The following ALPK2 variants were observed in gnomAD, a reference collection of about 807,000 sequenced individuals.
ALPK2 encodes alpha kinase 2, also known as alpha-protein kinase 2.
In ALPK2, 127 loss-of-function variants were observed where a neutral mutation model predicts 163.1. The observed-to-expected ratio is 0.78, with a 90% CI of 0.67 to 0.90. The LOEUF (loss-of-function observed/expected upper bound fraction) is 0.90, where lower values mean the gene tolerates loss of function less well. Ranked by LOEUF, ALPK2 falls within the 40% of genes least tolerant of loss-of-function variation. The pLI, the probability that ALPK2 is intolerant of heterozygous loss-of-function variation, is 0.00. For missense variants in ALPK2, 2,360 were observed against 2,589.6 expected (o/e 0.91, Z 1.92); for synonymous variants, 953 against 959.1 (o/e 0.99, Z 0.12).
chr18:58,484,737 C>T (rs941255512), intron 12 of ALPK2, among the ~76,000 whole-genome samples: 1 of 121,384 alleles, frequency 8.2e-6, no homozygotes, highest in Admixed American at 8.4e-5. Context: ...AGCGAGACTT[C>T]GTCTCAAAAA....
rs748207036 is a variant in ALPK2 at position 58,579,572 on chromosome 18, C to A, written c.1204G>T (p.Gly402Cys). The stretch of plus-strand genomic sequence containing the variant: ...ACTTCTTGGGGTTGTGAGTGATGAC[C>A]ACAGAAGCCAGCAGTGGCAACCATA... Reference protein sequence around the residue: ...GPMVATAGFCGHHSQPQEVGV... With the variant: ...GPMVATAGFCCHHSQPQEVGV... The change falls in exon 4 of 13, where the codon GGT (glycine) becomes TGT (cysteine). Residue 402 changes from glycine (G) to cysteine (C), a missense_variant. Physicochemically the swap from Gly to Cys is radical, Grantham distance 159. Coordinates refer to ENST00000361673, the MANE Select transcript of ALPK2 (RefSeq NM_052947.4). 5 of 1,613,500 alleles carry A rather than the reference C, an allele frequency of 3.1e-6. No individual in the cohort carries two copies. Among genetic ancestry groups the A allele is most frequent in the Non-Finnish European group, 4.2e-6 (5 of 1,179,990 alleles).
intron 1 of ALPK2, among the ~76,000 whole-genome samples, chr18:58,624,902 A>T (rs2052221606): frequency 6.6e-6 from 1 of 152,256 alleles, no homozygotes; most frequent in Non-Finnish European, 1.5e-5. Context: ...AATGGATTGA[A>T]GATTAAATGA....
At chr18:58,567,354 A>G (rs2051861024) in intron 4 of ALPK2, among the ~76,000 whole-genome samples, 1 of 152,134 alleles carries the variant, frequency 6.6e-6, no homozygotes, top group Non-Finnish European at 1.5e-5. Context: ...ACTGCAGTCC[A>G]GCCTGGGTGA....
intron 11 of ALPK2, among the ~76,000 whole-genome samples, chr18:58,498,502 T>C (rs979743452): frequency 1.3e-5 from 2 of 152,160 alleles, no homozygotes; most frequent in East Asian, 3.8e-4. Flanking sequence ...GTGGAAACCC[T>C]TACATGATGG....
chr18:58,487,232 T>A (rs4384677), intron 12 of ALPK2, among the ~76,000 whole-genome samples: 48,078 of 152,076 alleles, frequency 0.32, 8,654 homozygotes, highest in East Asian at 0.79. Context: ...CTGTTACTGG[T>A]GTCTCATAAG....
chr18:58,504,534 C>G (rs2051451714), intron 10 of ALPK2, among the ~76,000 whole-genome samples: 1 of 152,192 alleles, frequency 6.6e-6, no homozygotes, highest in South Asian at 2.1e-4. Flanking sequence ...TTTCATCCAT[C>G]CATCCATTGA....
At chr18:58,621,185 T>C (rs1363316293) in intron 1 of ALPK2, among the ~76,000 whole-genome samples, 2 of 149,160 alleles carry the variant, frequency 1.3e-5, no homozygotes, top group African/African-American at 4.9e-5. Context: ...ACTCTGATAA[T>C]GGAATAAAAA....
In ALPK2 at chr18:58,538,011, C is replaced by T. The variant is rs138103124; in HGVS notation, c.2176G>A (p.Asp726Asn). ...CTGAAATTGTCAGGTATGTTGCCAT[C>T]TCTGTCTTGTTTTTCTTCATGCTGT... ...GPQHEEKQDRDGNIPDNFRED... is the reference protein window; with the variant it reads ...GPQHEEKQDRNGNIPDNFRED... The change falls in exon 5 of 13, where the codon GAT becomes AAT. Residue 726 changes from aspartate to asparagine, a missense_variant. Physicochemically the swap from Asp to Asn is conservative, Grantham distance 23. Coordinates refer to ENST00000361673, the MANE Select transcript of ALPK2 (RefSeq NM_052947.4). 2 of 1,614,210 alleles carry T rather than the reference C, an allele frequency of 1.2e-6. No individual in the cohort carries two copies. Among genetic ancestry groups the T allele is most frequent in the Non-Finnish European group, 1.7e-6 (2 of 1,180,032 alleles).
At chr18:58,623,637 T>G (rs1025159456) in intron 1 of ALPK2, among the ~76,000 whole-genome samples, 17 of 152,228 alleles carry the variant, frequency 1.1e-4, no homozygotes, top group African/African-American at 3.9e-4. Context: ...AGCTAATTTT[T>G]GTATTTTTAG....
chr18:58,606,102 A>G (rs1278123971), intron 3 of ALPK2, among the ~76,000 whole-genome samples: 6 of 152,190 alleles, frequency 3.9e-5, no homozygotes, highest in African/African-American at 4.8e-5. Flanking sequence ...TTTTTGTGAC[A>G]GGATTTCACT....
intron 3 of ALPK2, among the ~76,000 whole-genome samples, chr18:58,588,506 T>C (rs1039604952): frequency 6.6e-6 from 1 of 152,234 alleles, no homozygotes; most frequent in Non-Finnish European, 1.5e-5. Flanking sequence ...CTGCACCTAT[T>C]AACCCATCAC....
rs1418134565 is a variant in ALPK2, at chr18:58,536,888, GGGGAATTACTGCAGAA to G, written c.3283_3298del (p.Phe1095LeufsTer109). On this transcript the variant is annotated frameshift_variant, in exon 5 of 13. Coordinates refer to ENST00000361673, the MANE Select transcript of ALPK2 (RefSeq NM_052947.4). LOFTEE classifies it high-confidence loss of function. ...TCCAGACAGGTTATCAACCTGAAGA[GGGGAATTACTGCAGAA>G]ACCCTCTCCCTCTGGGAGCTGCAGG... 1 of 1,614,166 alleles carries G rather than the reference GGGGAATTACTGCAGAA, an allele frequency of 6.2e-7. No homozygotes were observed. Among genetic ancestry groups the G allele is most frequent in the African/African-American group, 1.3e-5 (1 of 75,048 alleles).
At chr18:58,495,161 G>T (rs1411300793) in intron 12 of ALPK2, among the ~76,000 whole-genome samples, 1 of 152,138 alleles carries the variant, frequency 6.6e-6, no homozygotes, top group Non-Finnish European at 1.5e-5. Flanking sequence ...CACCTCTTAT[G>T]CTCTGTTTGG....
At chr18:58,547,392 C>A (rs992189838) in intron 4 of ALPK2, among the ~76,000 whole-genome samples, 2 of 152,214 alleles carry the variant, frequency 1.3e-5, no homozygotes, top group Admixed American at 6.5e-5. Flanking sequence ...GGCTGGAGAA[C>A]GGCTCACCAT....
chr18:58,557,648 A>C (rs1039692888), intron 4 of ALPK2, among the ~76,000 whole-genome samples: 1 of 138,644 alleles, frequency 7.2e-6, no homozygotes, highest in Non-Finnish European at 1.5e-5. Flanking sequence ...GTGTGTGTGT[A>C]TATATATACA....
chr18:58,550,258 G>T lies in ALPK2; in HGVS notation c.1963-12034C>A, dbSNP rs1469812316. On this transcript the variant is annotated intron_variant, in intron 4 of 12. Transcript: ENST00000361673. ...GTACAACCCACATTCTGGTGTCTAT[G>T]ACATACAACCTCCTTCCCCTCCTCC... Among the ~76,000 whole-genome samples, 4 of 151,654 alleles carry T rather than the reference G, an allele frequency of 2.6e-5. No homozygotes were observed. The East Asian group carries it at 7.7e-4, about 29-fold the overall frequency.
At chr18:58,523,626 A>G (rs956346775) in intron 8 of ALPK2, among the ~76,000 whole-genome samples, 180 bp downstream of exon 8, 1 of 151,978 alleles carries the variant, frequency 6.6e-6, no homozygotes, top group Non-Finnish European at 1.5e-5. Flanking sequence ...GTGAGATGGT[A>G]TCTCATTGTG....
At position 58,613,708 on chromosome 18, in the gene ALPK2, AAATAATAATAAT is replaced by A. The variant is rs147174781; in HGVS notation, c.-20-1903_-20-1892del. Among the ~76,000 whole-genome samples, 154 of 95,184 alleles carry A rather than the reference AAATAATAATAAT, an allele frequency of 1.6e-3. 2 individuals carry two copies. The highest frequency in any genetic ancestry group is 5.7e-3 in the African/African-American group (136 of 23,870). 62.4% of individuals were successfully genotyped at this position (95,184 alleles called of 152,430 possible). A position where few individuals can be genotyped will look rare whatever the true frequency, so the allele number is the denominator to read the frequency against. Reference sequence around the variant, plus strand: ...AGCAAGACTCCATCTCAAAAAAAAAAAATAATAATAATAATAATAATAATAATAATAATAATA... The same window carrying A: ...AGCAAGACTCCATCTCAAAAAAAAAAAATAATAATAATAATAATAATAATA... On this transcript the variant is annotated intron_variant, in intron 1 of 12. Transcript: ENST00000361673.
At chr18:58,498,134 ACTCAGGGCCC>A (rs2051410695) in intron 11 of ALPK2, 37 bp from the exon 12 acceptor site, 1 of 1,610,240 alleles carries the variant, frequency 6.2e-7, no homozygotes, top group Non-Finnish European at 8.5e-7. Flanking sequence ...AGTTTGTGTT[ACTCAGGGCCC>A]CTCAGGAAGT....
Sources: allele counts gnomAD v4.1 joint callset (sites outside exome capture counted in the v4.1 genomes callset), GRCh38; gene constraint gnomAD v4.1.1; transcripts MANE v1.5; gene names NCBI Gene and HGNC (gene_info 2026-07-23, HGNC 2026-07-21).